The following BLVRA variants were observed in gnomAD, a reference collection of about 807,000 sequenced individuals.
BLVRA encodes the protein BVR A.
A neutral mutation model predicts 32.8 loss-of-function variants in BLVRA; 22 were observed. The observed-to-expected ratio is 0.67, with a 90% CI of 0.48 to 0.96. The LOEUF is 0.96. BLVRA is among the 40% of genes least tolerant of loss of function. The pLI, the probability that BLVRA is intolerant of heterozygous loss-of-function variation, is 0.00. For synonymous variants in BLVRA, 119 were observed against 141.3 expected, an observed-to-expected ratio of 0.84 and a Z score of 1.12; for missense variants, 323 against 358.1, an observed-to-expected ratio of 0.90 and a Z score of 0.79.
intron 1 of BLVRA, among the ~76,000 whole-genome samples, chr7:43,760,855 G>GC (rs1355776072): frequency 1.3e-5 from 2 of 148,218 alleles, no homozygotes; most frequent in Non-Finnish European, 3.0e-5. Context: ...TGCAACCTCC[G>GC]CCCCCTGGGT....
intron 1 of BLVRA, among the ~76,000 whole-genome samples, chr7:43,766,680 C>A (rs983016669): frequency 1.3e-5 from 2 of 150,814 alleles, no homozygotes; most frequent in Non-Finnish European, 2.9e-5. Context: ...CCTCTCCTGA[C>A]GGTGCATCTT....
chr7:43,769,586 T>G (rs2095752117), intron 1 of BLVRA, among the ~76,000 whole-genome samples: 1 of 150,896 alleles, frequency 6.6e-6, no homozygotes, highest in African/African-American at 2.4e-5. Flanking sequence ...GGGAGGGGAG[T>G]TGCCGAAAGC....
At chr7:43,788,656 C>G (rs1034265320) in intron 3 of BLVRA, among the ~76,000 whole-genome samples, 3 of 152,100 alleles carry the variant, frequency 2.0e-5, no homozygotes, top group Non-Finnish European at 2.9e-5. Context: ...GTCACCCAAG[C>G]TGCAGCGCAA....
At chr7:43,764,808 T>TACC (rs1554581401) in intron 1 of BLVRA, among the ~76,000 whole-genome samples, 5 of 147,590 alleles carry the variant, frequency 3.4e-5, no homozygotes, top group Non-Finnish European at 6.0e-5. Flanking sequence ...GTTAAAGTGA[T>TACC]ATGTTAGCAC....
intron 2 of BLVRA, among the ~76,000 whole-genome samples, chr7:43,777,992 A>C (rs1042916424): frequency 6.6e-6 from 1 of 152,238 alleles, no homozygotes; most frequent in African/African-American, 2.4e-5. Context: ...TTTCAGCTCC[A>C]TCAGCTCCTT....
At chr7:43,772,871 T>C (rs1241830191) in intron 2 of BLVRA, among the ~76,000 whole-genome samples, 2 of 152,166 alleles carry the variant, frequency 1.3e-5, no homozygotes, top group African/African-American at 4.8e-5. Context: ...ATTATGGGGA[T>C]TACAATTCAA....
At chr7:43,758,409 C>T (rs1224085367), upstream of BLVRA, among the ~76,000 whole-genome samples, 1 of 152,158 alleles carries the variant, frequency 6.6e-6, no homozygotes, top group Non-Finnish European at 1.5e-5. Context: ...TCCATACGCC[C>T]TCCGGTCGGC....
At chr7:43,800,656 A>G (rs1361937955) in intron 6 of BLVRA, 84 bp downstream of exon 6, 1 of 1,245,134 alleles carries the variant, frequency 8.0e-7, no homozygotes, top group East Asian at 2.4e-5. Context: ...ATGGGAGCTT[A>G]TATTCATTTC....
At chr7:43,764,719 C>T (rs2095745861) in intron 1 of BLVRA, among the ~76,000 whole-genome samples, 1 of 152,094 alleles carries the variant, frequency 6.6e-6, no homozygotes, top group Non-Finnish European at 1.5e-5. Context: ...TAAAAACCTT[C>T]AGTTAACCAA....
At chr7:43,795,969 T>C (rs893743890) in intron 5 of BLVRA, among the ~76,000 whole-genome samples, 2 of 151,514 alleles carry the variant, frequency 1.3e-5, no homozygotes, top group Admixed American at 6.6e-5. Flanking sequence ...CCAGGCATGG[T>C]GGCACATGCC....
intron 1 of BLVRA, chr7:43,767,581 T>C (rs1179232716): frequency 1.0e-6 from 1 of 989,036 alleles, no homozygotes; most frequent in Non-Finnish European, 1.6e-6. Context: ...GACAGTGACA[T>C]GAAGGCAAAC....
chr7:43,769,670 C>T (rs1272245378), intron 1 of BLVRA, among the ~76,000 whole-genome samples: 3 of 151,076 alleles, frequency 2.0e-5, no homozygotes, highest in African/African-American at 7.3e-5. Flanking sequence ...TGCAGTGGCT[C>T]GATCTTGGCT....
intron 2 of BLVRA, among the ~76,000 whole-genome samples, chr7:43,774,731 G>A (rs1364294592): frequency 6.6e-6 from 1 of 152,224 alleles, no homozygotes; most frequent in Non-Finnish European, 1.5e-5. Flanking sequence ...ACCTTGGGCA[G>A]TATGGCCATT....
chr7:43,804,122 C>CCT (rs1455236478), intron 7 of BLVRA, among the ~76,000 whole-genome samples: 1 of 152,234 alleles, frequency 6.6e-6, no homozygotes, highest in Non-Finnish European at 1.5e-5. Flanking sequence ...TCATGCAAGT[C>CCT]ATTCATAGCA....
At chr7:43,775,294 ATTATT>A (rs2095759458) in intron 2 of BLVRA, among the ~76,000 whole-genome samples, 5 of 152,254 alleles carry the variant, frequency 3.3e-5, no homozygotes, top group African/African-American at 1.2e-4. Context: ...GATAGCTCTT[ATTATT>A]TTGAGATATG....
At position 43,787,603 on chromosome 7, in the gene BLVRA, T is replaced by C. The variant is rs575083402; in HGVS notation, c.13-301T>C. ...GTTAATGGGGAAAGCTCCCTCATTA[T>C]TGGAGATGGGGCAGTAGAAGTGGAG... is the stretch of plus-strand genomic sequence containing the variant. On this transcript the variant is annotated intron_variant, in intron 2 of 7. Coordinates refer to ENST00000265523, the MANE Select transcript of BLVRA (RefSeq NM_000712.4). The surrounding 1 kb of genome is among the most constrained non-coding windows in gnomAD (Gnocchi z 4.5). Among the ~76,000 whole-genome samples the C allele has an allele frequency of 4.4e-4, 67 of 152,294 alleles. No individual in the cohort carries two copies. The Middle Eastern group carries it at 0.024, about 54-fold the overall frequency.
chr7:43,806,888 C>A, intron 7 of BLVRA, 89 bp from the exon 8 acceptor site: 1 of 1,484,804 alleles, frequency 6.7e-7, no homozygotes, highest in Non-Finnish European at 9.4e-7. Flanking sequence ...CTGACAAGGA[C>A]ATGTTACCAG....
At chr7:43,805,874 C>T (rs572929726) in intron 7 of BLVRA, among the ~76,000 whole-genome samples, 11 of 152,140 alleles carry the variant, frequency 7.2e-5, no homozygotes, top group Non-Finnish European at 1.2e-4. Flanking sequence ...CCACAAACTG[C>T]ATTTTTATCT....
chr7:43,791,183 G>C, intron 3 of BLVRA, 66 bp from the exon 4 acceptor site: 1 of 1,606,528 alleles, frequency 6.2e-7, no homozygotes, highest in Non-Finnish European at 8.5e-7. Flanking sequence ...CGGGAGGAGG[G>C]GAGAAGGATG....
Sources: allele counts gnomAD v4.1 joint callset (sites outside exome capture counted in the v4.1 genomes callset), GRCh38; gene constraint gnomAD v4.1.1; non-coding constraint Gnocchi (gnomAD v3.1); transcripts MANE v1.5; gene names NCBI Gene and HGNC (gene_info 2026-07-23, HGNC 2026-07-21).